MORC1: variants seen among roughly 807,000 people sequenced by gnomAD.
MORC1 encodes the protein MORC family CW-type zinc finger 1.
In MORC1, 59 loss-of-function variants were observed where a neutral mutation model predicts 134.9. That is an observed-to-expected ratio of 0.44 (90% confidence interval 0.35 to 0.54). The LOEUF (loss-of-function observed/expected upper bound fraction) is 0.54, where lower values mean the gene tolerates loss of function less well. MORC1 is among the 20% of genes least tolerant of loss of function. The probability of loss-of-function intolerance (pLI) is 0.00; values close to 1 mark genes in which losing one functional copy is unlikely to be tolerated. For missense variants in MORC1, 947 were observed against 1,134.5 expected (o/e 0.83, Z 2.37); for synonymous variants, 395 against 391.7 (o/e 1.01, Z -0.10).
At position 108,990,898 on chromosome 3, in the gene MORC1, T is replaced by TCTCTCTCTCTCTCTCTC. The variant is rs1559876202; in HGVS notation, c.2188-3950_2188-3949insGAGAGAGAGAGAGAGAG. On this transcript the variant is annotated intron_variant, in intron 21 of 27. Coordinates refer to ENST00000232603, the MANE Select transcript of MORC1 (RefSeq NM_014429.4). ...AAGGCTTAGGTTTATGTTTCTCTCT[T>TCTCTCTCTCTCTCTCTC]TCTCTCTCTCTCTCTCTCTCTCTCT... 1.9e-3 allele frequency among the ~76,000 whole-genome samples: 275 copies of TCTCTCTCTCTCTCTCTC among 145,734 alleles called. 3 individuals carry two copies. The highest frequency in any genetic ancestry group is 6.7e-3 in the African/African-American group (267 of 39,690).
chr3:109,025,961 T>G (rs755129006), intron 17 of MORC1, among the ~76,000 whole-genome samples: 3 of 152,184 alleles, frequency 2.0e-5, no homozygotes, highest in Non-Finnish European at 2.9e-5. Flanking sequence ...ACACTACCCC[T>G]GCTCTCACAG....
At chr3:108,982,587 G>GGC (rs1218060970) in intron 23 of MORC1, among the ~76,000 whole-genome samples, 2 of 151,584 alleles carry the variant, frequency 1.3e-5, no homozygotes, top group East Asian at 1.9e-4. Context: ...GTGGGATGGG[G>GGC]GGGGCAGGGG....
chr3:109,057,619 C>T (rs539335928), intron 12 of MORC1, 133 bp from the exon 13 acceptor site: 15 of 673,542 alleles, frequency 2.2e-5, no homozygotes, highest in Admixed American at 1.1e-4. Flanking sequence ...ACCTGGTAGG[C>T]ACACTCAGTT....
chr3:109,028,779 CAAG>C (rs1205527227), intron 16 of MORC1, among the ~76,000 whole-genome samples: 1 of 152,082 alleles, frequency 6.6e-6, no homozygotes, highest in Non-Finnish European at 1.5e-5. Flanking sequence ...TTGATACAGA[CAAG>C]AAGTTCAGCT....
Position 109,083,070 on chromosome 3 carries a change from T to C in MORC1, c.689+10366A>G, listed in dbSNP as rs190558561. ...AAGTAACACATAAAGGAGCTCCAAT[T>C]CGTCTAGCAATATACTTTTCAATGG... On this transcript the variant is annotated intron_variant, in intron 8 of 27. Transcript: ENST00000232603. Among the ~76,000 whole-genome samples, 4 of 152,200 alleles carry C rather than the reference T, an allele frequency of 2.6e-5. No homozygotes were observed. The East Asian group carries it at 5.8e-4, about 22-fold the overall frequency.
intron 18 of MORC1, 113 bp downstream of exon 18, chr3:109,006,916 T>C: frequency 1.6e-6 from 1 of 639,118 alleles, no homozygotes; most frequent in Non-Finnish European, 2.5e-6. Context: ...AATCTACTAG[T>C]GCTTCACTAT....
rs548769214 is a variant in MORC1, at chr3:108,979,527, T to C, written c.2465A>G (p.Lys822Arg). Residue 822 changes from lysine to arginine, a missense_variant, in exon 24 of 28, where the codon AAG becomes AGG. This residue lies in a region of MORC1 where 722 missense variants were observed against 817.0 expected (regional missense o/e 0.88). Coordinates refer to ENST00000232603, the MANE Select transcript of MORC1 (RefSeq NM_014429.4). ...TPVKETVRKL[K>R]SKLREILLYF... Reference sequence around the variant, plus strand: ...TAAATATCTTTACCTTAACTTAGACTTCAGTTTTCTCACTGTTTCCTTGAC... The same window carrying C: ...TAAATATCTTTACCTTAACTTAGACCTCAGTTTTCTCACTGTTTCCTTGAC... The C allele has an allele frequency of 1.7e-4, 272 of 1,613,770 alleles. No homozygotes were observed. Among genetic ancestry groups the C allele is most frequent in the Non-Finnish European group, 2.2e-4 (265 of 1,179,918 alleles).
At chr3:109,072,903 GAAGA>G (rs546585987) in intron 8 of MORC1, among the ~76,000 whole-genome samples, 22 of 150,210 alleles carry the variant, frequency 1.5e-4, no homozygotes, top group African/African-American at 5.5e-4. Flanking sequence ...ATAAGAAACT[GAAGA>G]AAGGAAGAGA....
chr3:109,017,236 G>A (rs1462708427), intron 17 of MORC1, among the ~76,000 whole-genome samples: 2 of 152,150 alleles, frequency 1.3e-5, no homozygotes, highest in Non-Finnish European at 2.9e-5. Flanking sequence ...AGATATAAAG[G>A]AAATACTTGC....
chr3:109,102,320 T>C (rs1950944207), intron 4 of MORC1, among the ~76,000 whole-genome samples: 1 of 152,048 alleles, frequency 6.6e-6, no homozygotes, highest in Non-Finnish European at 1.5e-5. Flanking sequence ...TTGGAAGAGA[T>C]GCTGAGAGTA....
chr3:109,040,407 G>GA (rs58166584), intron 14 of MORC1, among the ~76,000 whole-genome samples: 26 of 26,230 alleles, frequency 9.9e-4, no homozygotes, highest in African/African-American at 1.8e-3. Flanking sequence ...AGAAAGAGAA[G>GA]GAAGGAAGGA....
intron 14 of MORC1, among the ~76,000 whole-genome samples, chr3:109,045,938 C>T (rs1002693990): frequency 3.3e-5 from 5 of 152,078 alleles, no homozygotes; most frequent in African/African-American, 9.7e-5. Context: ...CACTGGTTAC[C>T]CACCTTCTTA....
chr3:109,039,824 A>G lies in MORC1; in HGVS notation c.1331-4356T>C, dbSNP rs150345938. 1.1e-3 allele frequency among the ~76,000 whole-genome samples: 165 copies of G among 152,224 alleles called. 2 individuals carry two copies. In the South Asian group the frequency reaches 0.028, roughly 26 times the overall value. Reference sequence around the variant, plus strand: ...GCCATTTTTGTTATGCCTCTCCCTCATGGTTGCAAGCCCCTCCCCTTCTAG... The same window carrying G: ...GCCATTTTTGTTATGCCTCTCCCTCGTGGTTGCAAGCCCCTCCCCTTCTAG... On this transcript the variant is annotated intron_variant, in intron 14 of 27. Transcript: ENST00000232603.
At chr3:109,010,219 T>A (rs1364302199) in intron 17 of MORC1, among the ~76,000 whole-genome samples, 1 of 152,186 alleles carries the variant, frequency 6.6e-6, no homozygotes, top group Non-Finnish European at 1.5e-5. Context: ...AGGACTAGAT[T>A]TGGCCCATAG....
intron 24 of MORC1, among the ~76,000 whole-genome samples, chr3:108,975,690 C>T (rs1947529770): frequency 6.6e-6 from 1 of 152,124 alleles, no homozygotes; most frequent in South Asian, 2.1e-4. Flanking sequence ...TGTAAGATGA[C>T]TGAGCTATCA....
chr3:108,961,882 A>C (rs1171909895), intron 27 of MORC1, among the ~76,000 whole-genome samples: 2 of 152,222 alleles, frequency 1.3e-5, no homozygotes, highest in Admixed American at 1.3e-4. Flanking sequence ...ATTATTTTAT[A>C]AACTTGTTTA....
chr3:109,085,393 A>G (rs1260727141), intron 8 of MORC1, among the ~76,000 whole-genome samples: 1 of 152,146 alleles, frequency 6.6e-6, no homozygotes, highest in Non-Finnish European at 1.5e-5. Context: ...AATATATAAG[A>G]AGCTCAAACA....
At chr3:109,082,104 A>G (rs1479524847) in intron 8 of MORC1, among the ~76,000 whole-genome samples, 1 of 152,034 alleles carries the variant, frequency 6.6e-6, no homozygotes, top group Non-Finnish European at 1.5e-5. Context: ...CCCCCAGCCA[A>G]CCTTCCCACA....
At chr3:109,032,002 GT>G (rs1949251650) in intron 16 of MORC1, among the ~76,000 whole-genome samples, 2 of 152,092 alleles carry the variant, frequency 1.3e-5, no homozygotes, top group East Asian at 3.9e-4. Context: ...GTTTCCAAAT[GT>G]TTTCTTTTTC....
Sources: gnomAD v4.1 joint callset for allele counts (sites outside exome capture counted in the v4.1 genomes callset) on GRCh38, gnomAD v4.1.1 for gene constraint, gnomAD v4.1.1 regional missense constraint, MANE v1.5 for transcripts, NCBI Gene and HGNC (gene_info 2026-07-23, HGNC 2026-07-21) for gene names.